The following RGS6 variants were observed in gnomAD, a reference collection of about 807,000 sequenced individuals.
The protein encoded by RGS6 is regulator of G protein signaling 6, also known as regulator of G-protein signaling 6.
Under a neutral mutation model 78.5 loss-of-function variants are expected in RGS6, and 30 were observed. The observed-to-expected ratio is 0.38, with a 90% CI of 0.29 to 0.52. The LOEUF is 0.52. Among genes scored for constraint, RGS6 ranks in the 20% least tolerant of loss-of-function variants. The probability of loss-of-function intolerance (pLI) is 0.85; values close to 1 mark genes in which losing one functional copy is unlikely to be tolerated. For missense variants in RGS6, 495 were observed against 609.7 expected, an observed-to-expected ratio of 0.81 and a Z score of 1.98; for synonymous variants, 206 against 206.0, an observed-to-expected ratio of 1.00 and a Z score of 0.00.
At chr14:72,566,562 T>A (rs1230480313), downstream of RGS6, 1 of 150,950 alleles carries the variant, frequency 6.6e-6, no homozygotes, top group African/African-American at 2.4e-5. Flanking sequence ...GGTTTGGGGG[T>A]TCGTTGGGCA....
intron 2 of RGS6, among the ~76,000 whole-genome samples, chr14:72,150,652 G>A (rs1598418003): frequency 6.6e-6 from 1 of 151,978 alleles, no homozygotes; most frequent in African/African-American, 2.4e-5. Flanking sequence ...AGAAGGAAGA[G>A]AAATTGCTGC....
At chr14:72,375,914 G>A (rs776871602) in intron 3 of RGS6, among the ~76,000 whole-genome samples, 23 of 152,098 alleles carry the variant, frequency 1.5e-4, no homozygotes, top group Non-Finnish European at 3.2e-4. Context: ...AGAGGTGACT[G>A]TTTCATCAGA....
intron 14 of RGS6, chr14:72,513,987 G>A (rs1017847243): frequency 6.6e-6 from 1 of 152,260 alleles, no homozygotes; most frequent in African/African-American, 2.4e-5. Flanking sequence ...GTTGCCCTGA[G>A]TCCAAGGAAG....
At chr14:72,212,958 C>T (rs898577562) in intron 2 of RGS6, among the ~76,000 whole-genome samples, 1 of 152,128 alleles carries the variant, frequency 6.6e-6, no homozygotes, top group Non-Finnish European at 1.5e-5. Context: ...CCACCTATCC[C>T]TTTTTAAAGT....
intron 2 of RGS6, among the ~76,000 whole-genome samples, chr14:72,302,206 G>T (rs992915261): frequency 1.3e-5 from 2 of 152,214 alleles, no homozygotes; most frequent in African/African-American, 4.8e-5. Flanking sequence ...GCCATTTATT[G>T]AGTGGTAATA....
intron 2 of RGS6, among the ~76,000 whole-genome samples, chr14:72,238,324 A>G (rs1170096245): frequency 6.6e-6 from 1 of 152,128 alleles, no homozygotes; most frequent in African/African-American, 2.4e-5. Context: ...GAAAACAGGG[A>G]TAACTCTTCT....
At chr14:72,119,915 C>T (rs2096005221) in intron 2 of RGS6, among the ~76,000 whole-genome samples, 1 of 152,172 alleles carries the variant, frequency 6.6e-6, no homozygotes, top group Non-Finnish European at 1.5e-5. Flanking sequence ...ATTCCGGTAG[C>T]AGAATGAGCC....
At chr14:72,087,543 G>T (rs1016333977) in intron 2 of RGS6, among the ~76,000 whole-genome samples, 2 of 152,012 alleles carry the variant, frequency 1.3e-5, no homozygotes, top group Non-Finnish European at 2.9e-5. Flanking sequence ...ACTAATGACT[G>T]TGAGTGAAAA....
chr14:72,423,119 A>G (rs925428772), intron 3 of RGS6, among the ~76,000 whole-genome samples: 1 of 152,194 alleles, frequency 6.6e-6, no homozygotes, highest in Non-Finnish European at 1.5e-5. Context: ...TTAGAAAAGG[A>G]TTTGTGAAGA....
the RGS6 span, among the ~76,000 whole-genome samples, chr14:71,916,778 TAGGGCAA>T: frequency 1.4e-4 from 22 of 152,114 alleles, no homozygotes; most frequent in Non-Finnish European, 2.8e-4. Context: ...GTCAGCATTG[TAGGGCAA>T]AGGGTAAAGG....
At chr14:72,021,062 G>A (rs2088342137) in intron 2 of RGS6, among the ~76,000 whole-genome samples, 1 of 152,184 alleles carries the variant, frequency 6.6e-6, no homozygotes, top group African/African-American at 2.4e-5. Flanking sequence ...CATGCCTGGC[G>A]TGGAACAAAC....
At chr14:72,167,209 G>T (rs1426049838) in intron 2 of RGS6, among the ~76,000 whole-genome samples, 1 of 152,200 alleles carries the variant, frequency 6.6e-6, no homozygotes, top group African/African-American at 2.4e-5. Flanking sequence ...CCTTAGGACG[G>T]TTGGACTGGG....
At chr14:72,088,566 T>A (rs998907660) in intron 2 of RGS6, among the ~76,000 whole-genome samples, 10 of 152,204 alleles carry the variant, frequency 6.6e-5, no homozygotes, top group Non-Finnish European at 1.5e-4. Context: ...TTCGGATAAC[T>A]ATGAGATTTT....
At chr14:72,521,255 T>C (rs1175522989) in intron 15 of RGS6, among the ~76,000 whole-genome samples, 1 of 152,256 alleles carries the variant, frequency 6.6e-6, no homozygotes, top group Non-Finnish European at 1.5e-5. Context: ...ATTTGCTTTA[T>C]ACTACACAGA....
intron 2 of RGS6, among the ~76,000 whole-genome samples, chr14:72,338,559 G>A (rs1278860067): frequency 6.6e-6 from 1 of 152,236 alleles, no homozygotes; most frequent in African/African-American, 2.4e-5. Context: ...CATATCAGAA[G>A]CACAGAATTA....
At position 72,112,247 on chromosome 14, in the gene RGS6, C is replaced by T. The variant is rs571596258; in HGVS notation, c.84+147372C>T. ...CATGCCATGTAGTTAGTTGTTCCCT[C>T]TCTTTGTTCCTATACCACTTACGTT... On this transcript the variant is annotated intron_variant, in intron 2 of 17. Coordinates refer to ENST00000553525, the MANE Select transcript of RGS6 (RefSeq NM_001204424.2). 6.6e-5 allele frequency among the ~76,000 whole-genome samples: 10 copies of T among 152,324 alleles called. No homozygotes were observed. The South Asian group carries it at 2.1e-3, about 32-fold the overall frequency.
At chr14:72,256,743 A>T (rs757333317) in intron 2 of RGS6, among the ~76,000 whole-genome samples, 3 of 152,352 alleles carry the variant, frequency 2.0e-5, no homozygotes, top group Non-Finnish European at 2.9e-5. Context: ...GGGAGGTTAG[A>T]AGCAGAATGG....
At chr14:71,971,692 T>C (rs1347284178) in intron 2 of RGS6, among the ~76,000 whole-genome samples, 1 of 152,202 alleles carries the variant, frequency 6.6e-6, no homozygotes, top group Non-Finnish European at 1.5e-5. Flanking sequence ...TTTAAAAGGC[T>C]GTGATCAAGA....
At chr14:72,005,433 GC>G (rs1204532072) in intron 2 of RGS6, among the ~76,000 whole-genome samples, 1 of 19,278 alleles carries the variant, frequency 5.2e-5, no homozygotes, top group Non-Finnish European at 1.0e-4. Flanking sequence ...TTACACACCT[GC>G]ATATCTCTAT....
Sources: allele counts gnomAD v4.1 joint callset (sites outside exome capture counted in the v4.1 genomes callset), GRCh38; gene constraint gnomAD v4.1.1; transcripts MANE v1.5; gene names NCBI Gene and HGNC (gene_info 2026-07-23, HGNC 2026-07-21).